The following CDH22 variants were observed in gnomAD, a reference collection of about 807,000 sequenced individuals.
CDH22 encodes cadherin 22, also known as cadherin-22.
Under a neutral mutation model 58.4 loss-of-function variants are expected in CDH22, and 30 were observed. That is an observed-to-expected ratio of 0.51 (90% CI 0.38 to 0.70). The LOEUF (loss-of-function observed/expected upper bound fraction) is 0.70, where lower values mean the gene tolerates loss of function less well. Ranked by LOEUF, CDH22 falls within the 30% of genes least tolerant of loss-of-function variation. The probability of loss-of-function intolerance (pLI) is 0.00; values close to 1 mark genes in which losing one functional copy is unlikely to be tolerated. For synonymous variants in CDH22, 513 were observed against 558.2 expected, an observed-to-expected ratio of 0.92 and a Z score of 1.14; for missense variants, 1,014 against 1,233.9, an observed-to-expected ratio of 0.82 and a Z score of 2.67.
At chr20:46,239,656 C>T (rs2425795) in intron 3 of CDH22, among the ~76,000 whole-genome samples, 92,843 of 152,122 alleles carry the variant, frequency 0.61, 29,059 homozygotes, top group Middle Eastern at 0.79. Flanking sequence ...TTGGCCACAG[C>T]GAGTCAGCAA....
chr20:46,254,554 C>CAAA (rs1257630029), intron 1 of CDH22, among the ~76,000 whole-genome samples: 7 of 64,094 alleles, frequency 1.1e-4, no homozygotes, highest in Admixed American at 6.9e-4. Flanking sequence ...AATTCCATCT[C>CAAA]AAAAAAAAAA....
At chr20:46,240,845 G>A (rs1412880786) in intron 3 of CDH22, 118 bp downstream of exon 3, 1 of 943,522 alleles carries the variant, frequency 1.1e-6, no homozygotes, top group Non-Finnish European at 1.6e-6. Context: ...CTGTACCCTA[G>A]GTCAGCAGGC....
chr20:46,306,153 T>A (rs966955062), intron 1 of CDH22, among the ~76,000 whole-genome samples: 1 of 152,260 alleles, frequency 6.6e-6, no homozygotes. Flanking sequence ...GAACACCTCA[T>A]GCTGAATTTA....
intron 1 of CDH22, among the ~76,000 whole-genome samples, chr20:46,260,079 G>A (rs957353943): frequency 1.3e-5 from 2 of 152,178 alleles, no homozygotes; most frequent in African/African-American, 4.8e-5. Flanking sequence ...AATTGATTTA[G>A]AAAGTATTAT....
At chr20:46,272,731 G>A (rs1218487092) in intron 1 of CDH22, among the ~76,000 whole-genome samples, 1 of 152,192 alleles carries the variant, frequency 6.6e-6, no homozygotes, top group Non-Finnish European at 1.5e-5. Context: ...TAAGAGTGTT[G>A]ATGTCTGTCT....
chr20:46,233,978 A>G (rs2086236966), intron 3 of CDH22, among the ~76,000 whole-genome samples: 1 of 152,240 alleles, frequency 6.6e-6, no homozygotes, highest in African/African-American at 2.4e-5. Context: ...CTCCAGCTAC[A>G]GACGGGACAA....
chr20:46,286,842 C>T (rs1161175387), intron 1 of CDH22, among the ~76,000 whole-genome samples: 1 of 152,136 alleles, frequency 6.6e-6, no homozygotes, highest in African/African-American at 2.4e-5. Context: ...CTCCTGTGGC[C>T]CAGACCCAAT....
intron 10 of CDH22, among the ~76,000 whole-genome samples, chr20:46,184,942 C>G (rs1305530872): frequency 6.6e-6 from 1 of 152,116 alleles, no homozygotes; most frequent in African/African-American, 2.4e-5. Flanking sequence ...AAAAATTAGC[C>G]TGGCGTGGTG....
In CDH22 at chr20:46,279,483, T is replaced by C. The variant is rs983389540; in HGVS notation, c.-399-27790A>G. Among the ~76,000 whole-genome samples, 23 of 152,290 alleles carry C rather than the reference T, an allele frequency of 1.5e-4. No individual in the cohort carries two copies. The Middle Eastern group carries it at 0.014, about 90-fold the overall frequency. Reference sequence around the variant, plus strand: ...TGAACCAGAGCTATATATGACAACATTGATAGCTTTCAAAAACGTTGTTGG... The same window carrying C: ...TGAACCAGAGCTATATATGACAACACTGATAGCTTTCAAAAACGTTGTTGG... On this transcript the variant is annotated intron_variant, in intron 1 of 11. Transcript: ENST00000537909.
At chr20:46,184,585 T>C (rs1005873623) in intron 10 of CDH22, among the ~76,000 whole-genome samples, 1 of 152,176 alleles carries the variant, frequency 6.6e-6, no homozygotes, top group African/African-American at 2.4e-5. Context: ...CTCACCTCAC[T>C]AGAATATAAA....
At chr20:46,247,054 C>A (rs971074190) in intron 2 of CDH22, among the ~76,000 whole-genome samples, 33 of 151,758 alleles carry the variant, frequency 2.2e-4, no homozygotes, top group African/African-American at 6.0e-4. Flanking sequence ...CCTTCCCCCC[C>A]ACTTAGTGGT....
At chr20:46,230,224 G>A (rs376202362) in intron 3 of CDH22, among the ~76,000 whole-genome samples, 14 of 152,100 alleles carry the variant, frequency 9.2e-5, no homozygotes, top group East Asian at 3.9e-4. Flanking sequence ...TCACAGTGCC[G>A]CATCATGTCC....
At chr20:46,296,547 C>T (rs2086629822) in intron 1 of CDH22, among the ~76,000 whole-genome samples, 1 of 152,172 alleles carries the variant, frequency 6.6e-6, no homozygotes, top group Non-Finnish European at 1.5e-5. Flanking sequence ...AGGGCTGAAA[C>T]AGGGCACTGA....
Position 46,240,985 on chromosome 20 carries a change from G to A in CDH22, c.528C>T (p.Ser176=). 1 of 1,612,684 alleles carries A rather than the reference G, an allele frequency of 6.2e-7. No homozygotes were observed. Among genetic ancestry groups the A allele is most frequent in the Non-Finnish European group, 8.5e-7 (1 of 1,179,026 alleles). Residue 176 remains serine (S), a synonymous_variant, in exon 3 of 12, where the codon AGC becomes AGT. Transcript: ENST00000537909. ...CACCTGTAGGTGAGAGCTCGGCCAC[G>A]CTGCCAATATAGGGGCCGTGCAGGA... ...PRFLHGPYIG[S]VAELSPTGTS...
intron 3 of CDH22, among the ~76,000 whole-genome samples, chr20:46,234,733 T>C (rs540384347): frequency 1.3e-5 from 2 of 152,388 alleles, no homozygotes; most frequent in African/African-American, 4.8e-5. Flanking sequence ...TGGCATTTTT[T>C]CTACCAAGGC....
At chr20:46,193,213 G>C (rs1364745084) in intron 8 of CDH22, among the ~76,000 whole-genome samples, 1 of 152,062 alleles carries the variant, frequency 6.6e-6, no homozygotes, top group Non-Finnish European at 1.5e-5. Flanking sequence ...TTCCCCTTGG[G>C]GTCCGTTAGG....
At chr20:46,206,885 A>G (rs915597114) in intron 7 of CDH22, among the ~76,000 whole-genome samples, 1 of 152,118 alleles carries the variant, frequency 6.6e-6, no homozygotes, top group Non-Finnish European at 1.5e-5. Context: ...TAAGCCTGTG[A>G]CCCTGAGAAC....
chr20:46,227,239 G>A (rs1246278167), intron 4 of CDH22, among the ~76,000 whole-genome samples: 1 of 152,198 alleles, frequency 6.6e-6, no homozygotes, highest in Non-Finnish European at 1.5e-5. Context: ...ACCCACAGCG[G>A]CTGCTTCCTG....
chr20:46,231,054 G>A (rs2086217423), intron 3 of CDH22, among the ~76,000 whole-genome samples: 2 of 152,154 alleles, frequency 1.3e-5, no homozygotes, highest in South Asian at 2.1e-4. Context: ...GACAGGAGCT[G>A]GGTTTAGATT....
Sources: allele counts gnomAD v4.1 joint callset (sites outside exome capture counted in the v4.1 genomes callset), GRCh38; gene constraint gnomAD v4.1.1; transcripts MANE v1.5; gene names NCBI Gene and HGNC (gene_info 2026-07-23, HGNC 2026-07-21).